SUGCT: variants seen among roughly 807,000 people sequenced by gnomAD.
SUGCT encodes the protein succinyl-CoA:glutarate CoA-transferase.
SUGCT carries 41 observed loss-of-function variants against 55.0 expected under a neutral mutation model. That is an observed-to-expected ratio of 0.74 (90% CI 0.58 to 0.97). SUGCT has a LOEUF of 0.97. Ranked by LOEUF, SUGCT falls within the 50% of genes least tolerant of loss-of-function variation. The pLI is 0.00. For missense variants in SUGCT, 568 were observed against 547.8 expected (o/e 1.04, Z -0.37); for synonymous variants, 187 against 200.4 (o/e 0.93, Z 0.56).
At chr7:40,456,054 C>G (rs942709646) in intron 10 of SUGCT, among the ~76,000 whole-genome samples, 7 of 152,032 alleles carry the variant, frequency 4.6e-5, no homozygotes, top group African/African-American at 1.7e-4. Context: ...GAGATGGAGT[C>G]TTGCTCTATT....
intron 12 of SUGCT, among the ~76,000 whole-genome samples, chr7:40,612,030 G>A (rs1482361848): frequency 2.0e-5 from 3 of 146,674 alleles, no homozygotes; most frequent in Non-Finnish European, 4.5e-5. Context: ...TTTTACAACA[G>A]ATCACTGATT....
chr7:40,913,074 G>A, the SUGCT span, among the ~76,000 whole-genome samples: 2 of 148,824 alleles, frequency 1.3e-5, no homozygotes, highest in African/African-American at 2.5e-5. Context: ...GCAGTGGCGC[G>A]ATCTTGGCTC....
chr7:40,957,809 C>G, the SUGCT span, among the ~76,000 whole-genome samples: 1 of 151,828 alleles, frequency 6.6e-6, no homozygotes, highest in Non-Finnish European at 1.5e-5. Flanking sequence ...ACTGGTTTTT[C>G]CTTTCCATAT....
At chr7:40,927,559 A>T in the SUGCT span, among the ~76,000 whole-genome samples, 2 of 152,196 alleles carry the variant, frequency 1.3e-5, no homozygotes, top group East Asian at 3.8e-4. Flanking sequence ...GGGAAAACTT[A>T]GTTGGTCACC....
intron 9 of SUGCT, among the ~76,000 whole-genome samples, chr7:40,357,812 G>T (rs767866624): frequency 1.4e-5 from 2 of 145,226 alleles, no homozygotes; most frequent in Non-Finnish European, 3.0e-5. Context: ...ATTTAAAAAT[G>T]ATTTTTTTAA....
At chr7:40,261,618 TAA>T in intron 7 of SUGCT, among the ~76,000 whole-genome samples, 1 of 152,334 alleles carries the variant, frequency 6.6e-6, no homozygotes, top group South Asian at 2.1e-4. Context: ...TGGAGATACT[TAA>T]AGAGAGGTAT....
At chr7:40,223,659 G>T (rs1386264913) in intron 6 of SUGCT, among the ~76,000 whole-genome samples, 1 of 152,164 alleles carries the variant, frequency 6.6e-6, no homozygotes, top group South Asian at 2.1e-4. Context: ...CCTGAAGTCT[G>T]CACTTTTGAA....
chr7:40,245,423 A>ATTTTTTTTTTTTTTT (rs1168316176), intron 7 of SUGCT, among the ~76,000 whole-genome samples: 1 of 54,604 alleles, frequency 1.8e-5, no homozygotes, highest in Non-Finnish European at 3.3e-5. Flanking sequence ...ATATATATAT[A>ATTTTTTTTTTTTTTT]TTTTTTTTTT....
chr7:40,810,348 T>C (rs1453613217), intron 13 of SUGCT, among the ~76,000 whole-genome samples: 1 of 152,186 alleles, frequency 6.6e-6, no homozygotes, highest in African/African-American at 2.4e-5. Context: ...TCCAAACTGC[T>C]TTCCACAGTG....
intron 9 of SUGCT, among the ~76,000 whole-genome samples, chr7:40,421,164 C>T (rs1279994951): frequency 1.3e-5 from 2 of 152,158 alleles, no homozygotes; most frequent in Non-Finnish European, 2.9e-5. Context: ...GTGACGGCTG[C>T]TTCTTAACCC....
chr7:40,535,299 C>G (rs559815244), intron 12 of SUGCT, among the ~76,000 whole-genome samples: 1 of 152,132 alleles, frequency 6.6e-6, no homozygotes, highest in Non-Finnish European at 1.5e-5. Flanking sequence ...GTTGGTCAAC[C>G]CTTGTTCCCC....
At chr7:40,366,795 G>A (rs1477388607) in intron 9 of SUGCT, among the ~76,000 whole-genome samples, 2 of 152,032 alleles carry the variant, frequency 1.3e-5, no homozygotes, top group South Asian at 4.1e-4. Flanking sequence ...GGAGAAATAG[G>A]AACACTTTTA....
At chr7:40,142,643 G>C (rs1788047889) in intron 1 of SUGCT, among the ~76,000 whole-genome samples, 1 of 152,180 alleles carries the variant, frequency 6.6e-6, no homozygotes, top group South Asian at 2.1e-4. Flanking sequence ...CTGTAAAGGA[G>C]TCATTTACCC....
intron 5 of SUGCT, among the ~76,000 whole-genome samples, chr7:40,192,155 A>C (rs1001133323): frequency 6.6e-6 from 1 of 150,542 alleles, no homozygotes; most frequent in Non-Finnish European, 1.5e-5. Flanking sequence ...ACCCCTCTCC[A>C]TTTAGGCCTT....
At chr7:40,342,941 C>G (rs1344553339) in intron 9 of SUGCT, among the ~76,000 whole-genome samples, 3 of 152,200 alleles carry the variant, frequency 2.0e-5, no homozygotes, top group Non-Finnish European at 4.4e-5. Flanking sequence ...CTGCGTCTGG[C>G]TTGTCTCCAA....
intron 7 of SUGCT, among the ~76,000 whole-genome samples, chr7:40,263,199 G>A (rs1290177958): frequency 6.6e-6 from 1 of 152,196 alleles, no homozygotes; most frequent in African/African-American, 2.4e-5. Flanking sequence ...TGGGATTACA[G>A]GCATGAGCCA....
chr7:40,243,721 G>A lies in SUGCT; in HGVS notation c.576+5995G>A, dbSNP rs73687568. ...ATGGTGGCAGTTGTTAGATGTTTCT[G>A]TGAGAACTTCCATGGTAGGGATAGC... On this transcript the variant is annotated intron_variant, in intron 7 of 13. Coordinates refer to ENST00000335693, the MANE Select transcript of SUGCT (RefSeq NM_001193313.2). Among the ~76,000 whole-genome samples the A allele has an allele frequency of 3.6e-3, 542 of 152,254 alleles. 3 individuals carry two copies. Among genetic ancestry groups the A allele is most frequent in the African/African-American group, 0.012 (517 of 41,550 alleles).
intron 11 of SUGCT, among the ~76,000 whole-genome samples, chr7:40,460,449 T>G (rs957827198): frequency 2.0e-5 from 3 of 152,204 alleles, no homozygotes; most frequent in African/African-American, 7.2e-5. Flanking sequence ...TATTTCTTCT[T>G]TTTGCCTCTC....
chr7:40,245,447 TTTTTTTTTTTG>T (rs1362260449), intron 7 of SUGCT, among the ~76,000 whole-genome samples: 3 of 83,792 alleles, frequency 3.6e-5, no homozygotes, highest in Admixed American at 1.3e-4. Context: ...TTTTTTTTTT[TTTTTTTTTTTG>T]AGATGGAGTC....
Sources: allele counts gnomAD v4.1 joint callset (sites outside exome capture counted in the v4.1 genomes callset), GRCh38; gene constraint gnomAD v4.1.1; transcripts MANE v1.5; gene names NCBI Gene and HGNC (gene_info 2026-07-23, HGNC 2026-07-21).